TM4SF4: variants seen among roughly 807,000 people sequenced by gnomAD.
The protein encoded by TM4SF4 is transmembrane 4 L6 family member 4.
A neutral mutation model predicts 24.1 loss-of-function variants in TM4SF4; 24 were observed. The ratio of observed to expected loss-of-function variants is 1.00; its 90% CI spans 0.72 to 1.40. TM4SF4 has a LOEUF of 1.40. Among genes scored for constraint, TM4SF4 ranks in the 40% most tolerant of loss-of-function variants. The pLI, the probability that TM4SF4 is intolerant of heterozygous loss-of-function variation, is 0.00. For synonymous variants in TM4SF4, 113 were observed against 97.0 expected (o/e 1.17, Z -0.97); for missense variants, 254 against 254.2 (o/e 1.00, Z 0.01).
chr3:149,495,784 C>A, intron 3 of TM4SF4: 1 of 220,516 alleles, frequency 4.5e-6, no homozygotes, highest in South Asian at 6.7e-5. Context: ...AGAAGCAGGC[C>A]TTAAATTCTC....
chr3:149,496,858 G>A (rs545177544), intron 3 of TM4SF4, among the ~76,000 whole-genome samples: 5 of 141,724 alleles, frequency 3.5e-5, no homozygotes, highest in South Asian at 4.9e-4. Context: ...TTCTTAGTCT[G>A]TTATATAGAT....
chr3:149,482,191 A>G (rs535606164), intron 2 of TM4SF4, among the ~76,000 whole-genome samples: 2 of 144,824 alleles, frequency 1.4e-5, no homozygotes, highest in South Asian at 4.3e-4. Flanking sequence ...GCCTTATTTT[A>G]CAGAAGAAGA....
intron 3 of TM4SF4, among the ~76,000 whole-genome samples, chr3:149,491,752 G>T (rs1282541461): frequency 6.6e-6 from 1 of 152,148 alleles, no homozygotes; most frequent in Non-Finnish European, 1.5e-5. Flanking sequence ...AGGAGTGCGG[G>T]GGGAAACTTC....
chr3:149,479,870 A>G (rs1230684988), intron 2 of TM4SF4, among the ~76,000 whole-genome samples: 1 of 152,150 alleles, frequency 6.6e-6, no homozygotes, highest in Non-Finnish European at 1.5e-5. Context: ...CCCAGAGGCC[A>G]ACTGCACCAT....
intron 2 of TM4SF4, among the ~76,000 whole-genome samples, chr3:149,486,502 A>G (rs576823169): frequency 6.6e-6 from 1 of 152,330 alleles, no homozygotes; most frequent in South Asian, 2.1e-4. Flanking sequence ...TCTAGAATGG[A>G]TATTGCAAAA....
chr3:149,480,999 T>C (rs1055703391), intron 2 of TM4SF4, among the ~76,000 whole-genome samples: 6 of 152,094 alleles, frequency 3.9e-5, no homozygotes, highest in Non-Finnish European at 7.4e-5. Flanking sequence ...TAGCTGGGAT[T>C]ACAGGCGCCG....
intron 2 of TM4SF4, 126 bp downstream of exon 2, chr3:149,476,038 G>A (rs1733923544): frequency 4.0e-6 from 3 of 753,764 alleles, no homozygotes; most frequent in Non-Finnish European, 6.7e-6. Flanking sequence ...CTGGTGAAGG[G>A]ATAAAACTGT....
At chr3:149,495,907 A>G (rs1411434862) in intron 3 of TM4SF4, 3 of 212,634 alleles carry the variant, frequency 1.4e-5, no homozygotes, top group Non-Finnish European at 2.9e-5. Context: ...TATGAGACAG[A>G]CAGTCGCTCT....
chr3:149,498,727 A>T lies in TM4SF4; in HGVS notation c.407A>T (p.Tyr136Phe). Reference protein sequence around the residue: ...TWGYPFHDGDYLNDEALWNKC... With the variant: ...TWGYPFHDGDFLNDEALWNKC... Reference sequence around the variant, plus strand: ...GTCCCCTATATCACCAACAGGGATTATCTCAATGATGAGGCCTTATGGAAC... The same window carrying T: ...GTCCCCTATATCACCAACAGGGATTTTCTCAATGATGAGGCCTTATGGAAC... The change falls in exon 4 of 5, where the codon TAT becomes TTT. Residue 136 changes from tyrosine to phenylalanine, a missense_variant. Tyr to Phe is a conservative substitution (Grantham distance 22). Transcript: ENST00000305354. The T allele has an allele frequency of 6.2e-7, 1 of 1,613,960 alleles. No individual in the cohort carries two copies.
intron 2 of TM4SF4, among the ~76,000 whole-genome samples, chr3:149,483,773 C>A (rs1482537415): frequency 5.3e-5 from 8 of 151,964 alleles, no homozygotes; most frequent in Non-Finnish European, 8.8e-5. Flanking sequence ...TGACATTTCT[C>A]CCATTTATTT....
intron 1 of TM4SF4, among the ~76,000 whole-genome samples, chr3:149,475,569 CT>C (rs1733913626): frequency 6.6e-6 from 1 of 152,118 alleles, no homozygotes; most frequent in Non-Finnish European, 1.5e-5. Flanking sequence ...GTTTGTTATT[CT>C]TTTTTCTAAC....
rs1553783045 is a variant in TM4SF4 at position 149,491,500 on chromosome 3, A to ACAAAT, written c.401+3745_401+3746insCAAAT. Among the ~76,000 whole-genome samples, 30 of 151,024 alleles carry ACAAAT rather than the reference A, an allele frequency of 2.0e-4. 2 individuals are homozygous for ACAAAT. The highest frequency in any genetic ancestry group is 1.5e-3 in the Admixed American group (22 of 15,058). On this transcript the variant is annotated intron_variant, in intron 3 of 4. Coordinates refer to ENST00000305354, the MANE Select transcript of TM4SF4 (RefSeq NM_004617.4). ...ACAAAACAAAACAAAACAAAACAAAAATATATATATATACACACACACACA... is the reference window on the plus strand; with the variant it reads ...ACAAAACAAAACAAAACAAAACAAAACAAATATATATATATATACACACACACACA...
chr3:149,482,585 C>T (rs924702467), intron 2 of TM4SF4, among the ~76,000 whole-genome samples: 3 of 152,112 alleles, frequency 2.0e-5, no homozygotes, highest in Non-Finnish European at 4.4e-5. Context: ...GCTCTGTTGC[C>T]CAGGCTGAAG....
chr3:149,479,403 A>G (rs1290033478), intron 2 of TM4SF4, among the ~76,000 whole-genome samples: 1 of 140,148 alleles, frequency 7.1e-6, no homozygotes, highest in Non-Finnish European at 1.5e-5. Flanking sequence ...GGGTCTCACT[A>G]TGTTGCCCAG....
chr3:149,497,610 G>A (rs1180623029), intron 3 of TM4SF4, among the ~76,000 whole-genome samples: 9 of 152,072 alleles, frequency 5.9e-5, no homozygotes, highest in South Asian at 2.1e-4. Context: ...TCTCAAAATC[G>A]TACACTTCAC....
Position 149,503,003 on chromosome 3 carries a change from G to T in TM4SF4, c.*310G>T. 7.0e-6 allele frequency: 2 copies of T among 287,630 alleles called. 1 individual carries two copies. Among genetic ancestry groups the T allele is most frequent in the East Asian group, 1.5e-4 (2 of 13,758 alleles). The allele number at this position is 287,630 out of a possible 1,614,324, so 17.8% of individuals were successfully genotyped here. A position where few individuals can be genotyped will look rare whatever the true frequency, so the allele number is the denominator to read the frequency against. On this transcript the variant is annotated 3_prime_UTR_variant, in exon 5 of 5. Coordinates refer to ENST00000305354, the MANE Select transcript of TM4SF4 (RefSeq NM_004617.4). ...TTATTACAAATGTAAAATGTATAAAGTCACATGTACTGCCATACTACTTCT... is the reference window on the plus strand; with the variant it reads ...TTATTACAAATGTAAAATGTATAAATTCACATGTACTGCCATACTACTTCT...
intron 2 of TM4SF4, among the ~76,000 whole-genome samples, chr3:149,482,882 T>A (rs917039665): frequency 6.6e-6 from 1 of 152,230 alleles, no homozygotes; most frequent in African/African-American, 2.4e-5. Flanking sequence ...AAACCCATGA[T>A]AAATTGAAGT....
At chr3:149,477,504 T>C (rs1179359784) in intron 2 of TM4SF4, among the ~76,000 whole-genome samples, 1 of 152,244 alleles carries the variant, frequency 6.6e-6, no homozygotes, top group Non-Finnish European at 1.5e-5. Flanking sequence ...CCTTTTAACA[T>C]TTCTTTCTTA....
chr3:149,479,769 C>A (rs780147013), intron 2 of TM4SF4, among the ~76,000 whole-genome samples: 1 of 152,214 alleles, frequency 6.6e-6, no homozygotes. Flanking sequence ...GGGCTGAATC[C>A]TCTGTCCTCT....
Sources: gnomAD v4.1 joint callset for allele counts (sites outside exome capture counted in the v4.1 genomes callset) on GRCh38, gnomAD v4.1.1 for gene constraint, MANE v1.5 for transcripts, NCBI Gene and HGNC (gene_info 2026-07-23, HGNC 2026-07-21) for gene names.